Variants in PIK3C2B observed in about 807,000 individuals in gnomAD.
The protein encoded by PIK3C2B is phosphatidylinositol 4-phosphate 3-kinase C2 domain-containing subunit beta.
A neutral mutation model predicts 184.3 loss-of-function variants in PIK3C2B; 83 were observed. The ratio of observed to expected loss-of-function variants is 0.45; its 90% CI spans 0.38 to 0.54. PIK3C2B has a LOEUF of 0.54. PIK3C2B is among the 20% of genes least tolerant of loss of function. The pLI, the probability that PIK3C2B is intolerant of heterozygous loss-of-function variation, is 0.00. For missense variants in PIK3C2B, 1,736 were observed against 2,113.5 expected (o/e 0.82, Z 3.50); for synonymous variants, 779 against 837.6 (o/e 0.93, Z 1.21).
At position 204,438,990 on chromosome 1, in the gene PIK3C2B, C is replaced by G. The variant is rs1358585648; in HGVS notation, c.3461G>C (p.Arg1154Pro). 1 of 1,613,988 alleles carries G rather than the reference C, an allele frequency of 6.2e-7. No individual in the cohort carries two copies. Among genetic ancestry groups the G allele is most frequent in the Non-Finnish European group, 8.5e-7 (1 of 1,180,026 alleles). ...EHGVTGSFKD[R>P]PLADWLQKHN... ...TTTCTGCAGCCAGTCTGCCAGGGGC[C>G]GGTCCTTGAACGAGCCGGTCACCCC... Residue 1154 changes from arginine (R) to proline (P), a missense_variant, in exon 23 of 33, where the codon CGG becomes CCG. Arg to Pro is a moderately radical substitution (Grantham distance 103). Coordinates refer to ENST00000684373, the MANE Select transcript of PIK3C2B (RefSeq NM_001377334.1).
In PIK3C2B at chr1:204,469,352, A is replaced by C; in HGVS notation, c.451T>G (p.Cys151Gly). The change falls in exon 2 of 33, where the codon TGC becomes GGC. Residue 151 changes from cysteine to glycine, a missense_variant. Around this residue, in one of 8 missense-constraint regions of PIK3C2B, gnomAD observed 404 missense variants for 418.0 expected, o/e 0.97. Transcript: ENST00000684373. ...AGAGGAGGTGGGGATAGTTTCTTGC[A>C]AGAGCCCTCTATGTCCCCTGGTCCT... is the stretch of plus-strand genomic sequence containing the variant. Reference protein sequence around the residue: ...SPGPGDIEGSCKKLSPPPLPP... With the variant: ...SPGPGDIEGSGKKLSPPPLPP... 6.5e-7 allele frequency: 1 copy of C among 1,527,534 alleles called. No individual in the cohort carries two copies. The highest frequency in any genetic ancestry group is 8.8e-7 in the Non-Finnish European group (1 of 1,140,174). 94.6% of individuals were successfully genotyped at this position (1,527,534 alleles called of 1,614,324 possible).
chr1:204,433,493 C>T lies in PIK3C2B; in HGVS notation c.3844-68G>A, dbSNP rs1675181767. On this transcript the variant is annotated intron_variant, in intron 25 of 32. Transcript: ENST00000684373. The surrounding 1 kb of genome is among the most constrained non-coding windows in gnomAD (Gnocchi z 5.0). ...AGAGAATTCTTGCTGCTTCTCTACC[C>T]TTAGGCAAGGTTTTCTACAGCTAGG... is the stretch of plus-strand genomic sequence containing the variant. 9.5e-7 allele frequency: 1 copy of T among 1,050,220 alleles called. No homozygotes were observed. Among genetic ancestry groups the T allele is most frequent in the Non-Finnish European group, 1.5e-6 (1 of 677,108 alleles). The allele number at this position is 1,050,220 out of a possible 1,614,324, so 65.1% of individuals were successfully genotyped here. A position where few individuals can be genotyped will look rare whatever the true frequency, so the allele number is the denominator to read the frequency against.
At chr1:204,466,124 C>T (rs1053671128) in intron 2 of PIK3C2B, among the ~76,000 whole-genome samples, 5 of 152,208 alleles carry the variant, frequency 3.3e-5, no homozygotes, top group African/African-American at 1.2e-4. Flanking sequence ...CCTAGCAAGG[C>T]CTGTAGCCCA....
At position 204,432,201 on chromosome 1, in the gene PIK3C2B, T is replaced by A; in HGVS notation, c.4154A>T (p.Tyr1385Phe). ...GGTCAGATTGGAGAAAACACTTACATAGCCTTTGTTGGGGTGGAAGATCTT... is the reference window on the plus strand; with the variant it reads ...GGTCAGATTGGAGAAAACACTTACAAAGCCTTTGTTGGGGTGGAAGATCTT... Reference protein sequence around the residue: ...HEKIFHPNKGYIYVVKVMREN... With the variant: ...HEKIFHPNKGFIYVVKVMREN... The change falls in exon 27 of 33, where the codon TAT becomes TTT. Residue 1385 changes from tyrosine (Y) to phenylalanine (F), a missense_variant and splice_region_variant. Tyr to Phe is a conservative substitution (Grantham distance 22, BLOSUM62 3). This residue lies in a region of PIK3C2B where 200 missense variants were observed against 199.1 expected (regional missense o/e 1.00). Coordinates refer to ENST00000684373, the MANE Select transcript of PIK3C2B (RefSeq NM_001377334.1). 6.2e-7 allele frequency: 1 copy of A among 1,613,332 alleles called. No individual in the cohort carries two copies. The highest frequency in any genetic ancestry group is 8.5e-7 in the Non-Finnish European group (1 of 1,179,564).
In PIK3C2B at chr1:204,464,522, C is replaced by A; in HGVS notation, c.1117G>T (p.Gly373Trp). ...SAVTPSPEHL[G>W]DEVNLKVTVL... ...GTCACCTTCAGGTTGACCTCATCCC[C>A]GAGGTGCTCTGGGCTAGGGGTGACA... The change falls in exon 4 of 33, where the codon GGG (glycine) becomes TGG (tryptophan). Residue 373 changes from glycine (G) to tryptophan (W), a missense_variant. Physicochemically the swap from Gly to Trp is radical, Grantham distance 184. Coordinates refer to ENST00000684373, the MANE Select transcript of PIK3C2B (RefSeq NM_001377334.1). 6.2e-7 allele frequency: 1 copy of A among 1,613,702 alleles called. No homozygotes were observed. Among genetic ancestry groups the A allele is most frequent in the Non-Finnish European group, 8.5e-7 (1 of 1,179,608 alleles).
chr1:204,445,419 C>A (rs1172992074), intron 16 of PIK3C2B, among the ~76,000 whole-genome samples: 1 of 151,902 alleles, frequency 6.6e-6, no homozygotes, highest in Non-Finnish European at 1.5e-5. Context: ...CATAGTGAGA[C>A]TTTATCTCTA....
At chr1:204,437,715 C>T (rs770325275) in intron 23 of PIK3C2B, among the ~76,000 whole-genome samples, 2 of 152,130 alleles carry the variant, frequency 1.3e-5, no homozygotes, top group Non-Finnish European at 2.9e-5. Flanking sequence ...TCAGGAAGAC[C>T]GTGGCTTTGG....
Position 204,464,430 on chromosome 1 carries a change from C to T in PIK3C2B, c.1189+20G>A, listed in dbSNP as rs757488990. On this transcript the variant is annotated intron_variant, in intron 4 of 32. Transcript: ENST00000684373. Reference sequence around the variant, plus strand: ...CCACTTCAAGGGATGCTCACATCCTCTCCCCCCTCACTAACTTACAGTTGC... The same window carrying T: ...CCACTTCAAGGGATGCTCACATCCTTTCCCCCCTCACTAACTTACAGTTGC... The T allele has an allele frequency of 1.2e-6, 2 of 1,607,906 alleles. No individual in the cohort carries two copies. Among genetic ancestry groups the T allele is most frequent in the Non-Finnish European group, 1.7e-6 (2 of 1,175,788 alleles).
chr1:204,483,610 T>C (rs1352697523), intron 1 of PIK3C2B, among the ~76,000 whole-genome samples: 2 of 152,130 alleles, frequency 1.3e-5, no homozygotes, highest in African/African-American at 4.8e-5. Context: ...TCATGAAGAT[T>C]TTGAAAAAAG....
intron 12 of PIK3C2B, among the ~76,000 whole-genome samples, chr1:204,450,444 C>T (rs1654253703): frequency 6.6e-6 from 1 of 152,058 alleles, no homozygotes. Flanking sequence ...CAGTCTCCAT[C>T]CCTCCCCCAC....
At chr1:204,458,010 A>T (rs573919801) in intron 8 of PIK3C2B, 136 bp from the exon 9 acceptor site, 1 of 695,994 alleles carries the variant, frequency 1.4e-6, no homozygotes, top group African/African-American at 1.9e-5. Flanking sequence ...TAAATGTGCA[A>T]TACATTTTAT....
At chr1:204,488,698 C>T (rs1452595708) in intron 1 of PIK3C2B, among the ~76,000 whole-genome samples, 1 of 152,162 alleles carries the variant, frequency 6.6e-6, no homozygotes, top group Non-Finnish European at 1.5e-5. Flanking sequence ...TCACCACACT[C>T]CATTCCCCAT....
At chr1:204,442,673 G>C in intron 19 of PIK3C2B, 40 bp from the exon 20 acceptor site, 1 of 1,368,898 alleles carries the variant, frequency 7.3e-7, no homozygotes, top group Non-Finnish European at 1.0e-6. Flanking sequence ...GTGAAATGGA[G>C]GGTCCATACT....
Position 204,438,928 on chromosome 1 carries a change from A to T in PIK3C2B, c.3516+7T>A. ...ACACCAGACGCACTCCCCACCCACA[A>T]CCCTACCTTCTCATACTCGTCCTCC... On this transcript the variant is annotated splice_region_variant and intron_variant, in intron 23 of 32. Coordinates refer to ENST00000684373, the MANE Select transcript of PIK3C2B (RefSeq NM_001377334.1). The T allele has an allele frequency of 6.2e-7, 1 of 1,611,676 alleles. No homozygotes were observed. The highest frequency in any genetic ancestry group is 8.5e-7 in the Non-Finnish European group (1 of 1,179,562).
intron 32 of PIK3C2B, among the ~76,000 whole-genome samples, chr1:204,425,326 A>T (rs1674687686): frequency 1.3e-5 from 2 of 152,124 alleles, no homozygotes; most frequent in Admixed American, 1.3e-4. Context: ...TTCCCACAGG[A>T]TAGGGCCAGA....
intron 12 of PIK3C2B, among the ~76,000 whole-genome samples, chr1:204,452,354 T>C (rs988517253): frequency 7.7e-6 from 1 of 129,322 alleles, no homozygotes; most frequent in African/African-American, 2.8e-5. Flanking sequence ...GGATACTCAC[T>C]GCAGCCTTGA....
chr1:204,463,635 C>A (rs186097228), intron 5 of PIK3C2B, among the ~76,000 whole-genome samples: 44 of 152,298 alleles, frequency 2.9e-4, no homozygotes, highest in Admixed American at 2.2e-3. Context: ...CATTTTGCCC[C>A]AGCCATAAAA....
In PIK3C2B at chr1:204,438,915, C is replaced by T; in HGVS notation, c.3516+20G>A. The T allele has an allele frequency of 1.2e-6, 2 of 1,610,866 alleles. No individual in the cohort carries two copies. Among genetic ancestry groups the T allele is most frequent in the Non-Finnish European group, 1.7e-6 (2 of 1,179,162 alleles). On this transcript the variant is annotated intron_variant, in intron 23 of 32. Transcript: ENST00000684373. ...CAGGCACACACACACACCAGACGCA[C>T]TCCCCACCCACAACCCTACCTTCTC...
chr1:204,429,658 G>C (rs1247198791), intron 29 of PIK3C2B, among the ~76,000 whole-genome samples: 1 of 152,148 alleles, frequency 6.6e-6, no homozygotes, highest in Non-Finnish European at 1.5e-5. Context: ...CCTTTCTGAG[G>C]CTCCGCTCAT....
Sources: gnomAD v4.1 joint callset for allele counts (sites outside exome capture counted in the v4.1 genomes callset) on GRCh38, gnomAD v4.1.1 for gene constraint, gnomAD v4.1.1 regional missense constraint, Gnocchi (gnomAD v3.1) non-coding constraint, MANE v1.5 for transcripts, NCBI Gene and HGNC (gene_info 2026-07-23, HGNC 2026-07-21) for gene names.